Variants in GRIP1 observed in about 807,000 individuals in gnomAD.
GRIP1 encodes the protein glutamate receptor-interacting protein 1.
Under a neutral mutation model 129.9 loss-of-function variants are expected in GRIP1, and 45 were observed. The ratio of observed to expected loss-of-function variants is 0.35; its 90% CI spans 0.27 to 0.44. The LOEUF (loss-of-function observed/expected upper bound fraction) is 0.44. GRIP1 is among the 20% of genes least tolerant of loss of function. The probability of loss-of-function intolerance (pLI) is 1.00; values close to 1 mark genes in which losing one functional copy is unlikely to be tolerated. For missense variants in GRIP1, 1,196 were observed against 1,396.8 expected (o/e 0.86, Z 2.29); for synonymous variants, 530 against 520.8 (o/e 1.02, Z -0.24).
At chr12:66,469,930 T>C (rs181580500) in intron 7 of GRIP1, among the ~76,000 whole-genome samples, 53 of 152,220 alleles carry the variant, frequency 3.5e-4, no homozygotes, top group Admixed American at 3.5e-3. Flanking sequence ...CAGTGATGGG[T>C]TCACGCTGCC....
At chr12:66,977,701 T>C (rs938243090) in intron 1 of GRIP1, among the ~76,000 whole-genome samples, 2 of 152,128 alleles carry the variant, frequency 1.3e-5, no homozygotes, top group Non-Finnish European at 2.9e-5. Flanking sequence ...CTCATTGTTA[T>C]GTTGTTGCAC....
At chr12:66,622,400 G>A (rs777039900) in intron 1 of GRIP1, among the ~76,000 whole-genome samples, 14 of 151,922 alleles carry the variant, frequency 9.2e-5, no homozygotes, top group African/African-American at 3.4e-4. Flanking sequence ...ATAATTTATT[G>A]TGCATTTAAA....
intron 11 of GRIP1, among the ~76,000 whole-genome samples, chr12:66,450,303 C>CAAAAAAAAAAA (rs143013040): frequency 2.2e-4 from 6 of 26,816 alleles, no homozygotes; most frequent in East Asian, 1.4e-3. Context: ...GACTCCATCT[C>CAAAAAAAAAAA]AAAAAAAAAA....
intron 22 of GRIP1, among the ~76,000 whole-genome samples, chr12:66,374,463 C>T (rs1259679763): frequency 2.6e-5 from 4 of 152,336 alleles, no homozygotes; most frequent in East Asian, 1.9e-4. Context: ...GCTGGGATTA[C>T]AGGCCTGAGG....
intron 16 of GRIP1, among the ~76,000 whole-genome samples, chr12:66,395,824 T>C (rs2056765487): frequency 6.6e-6 from 1 of 152,184 alleles, no homozygotes; most frequent in Admixed American, 6.5e-5. Context: ...ACAGCTCTGT[T>C]TGCTGGTTCA....
chr12:66,993,559 G>A (rs532729187), intron 1 of GRIP1, among the ~76,000 whole-genome samples: 174 of 152,082 alleles, frequency 1.1e-3, no homozygotes, highest in Non-Finnish European at 2.1e-3. Flanking sequence ...AGGAGGCCGA[G>A]GTAGGTGGAT....
chr12:66,353,831 G>A (rs1349820557), intron 23 of GRIP1, among the ~76,000 whole-genome samples: 4 of 152,156 alleles, frequency 2.6e-5, no homozygotes, highest in Admixed American at 6.5e-5. Context: ...TCATCAGGGG[G>A]ATATAGGAGA....
intron 7 of GRIP1, among the ~76,000 whole-genome samples, chr12:66,480,494 A>G (rs1317213970): frequency 6.6e-6 from 1 of 152,208 alleles, no homozygotes; most frequent in African/African-American, 2.4e-5. Context: ...ACCTAAAGTT[A>G]TTTATAGGTT....
At chr12:66,846,754 A>G (rs2039824082) in intron 1 of GRIP1, among the ~76,000 whole-genome samples, 1 of 152,130 alleles carries the variant, frequency 6.6e-6, no homozygotes, top group South Asian at 2.1e-4. Flanking sequence ...TTCTACTTAT[A>G]ATTCCCAAGA....
At chr12:66,505,146 T>A (rs1229512023) in intron 7 of GRIP1, among the ~76,000 whole-genome samples, 1 of 152,176 alleles carries the variant, frequency 6.6e-6, no homozygotes, top group Non-Finnish European at 1.5e-5. Context: ...ATTATGTGGG[T>A]GGTCCCAAGG....
chr12:66,994,116 C>A (rs1038011871), intron 1 of GRIP1, among the ~76,000 whole-genome samples: 1 of 151,024 alleles, frequency 6.6e-6, no homozygotes, highest in Admixed American at 6.6e-5. Context: ...CAAACTTTCA[C>A]AAAGAATAGC....
rs1053847291 is a variant in GRIP1 at position 66,444,445 on chromosome 12, C to T, written c.1687+139G>A. The T allele has an allele frequency of 1.7e-4, 119 of 685,282 alleles. 2 individuals carry two copies. The South Asian group carries it at 2.0e-3, about 11-fold the overall frequency. The allele number at this position is 685,282 out of a possible 1,614,324, so 42.5% of individuals were successfully genotyped here. Reference sequence around the variant, plus strand: ...AGCTTGCAGTGAGCCGAGATTGCGCCACTGCAGTCCGCAGTCCAGCCTGGG... The same window carrying T: ...AGCTTGCAGTGAGCCGAGATTGCGCTACTGCAGTCCGCAGTCCAGCCTGGG... On this transcript the variant is annotated intron_variant, in intron 13 of 24. Coordinates refer to ENST00000359742, the MANE Select transcript of GRIP1 (RefSeq NM_001366722.1).
At chr12:66,551,362 G>A (rs967809091) in intron 2 of GRIP1, among the ~76,000 whole-genome samples, 7 of 152,202 alleles carry the variant, frequency 4.6e-5, no homozygotes, top group African/African-American at 1.2e-4. Context: ...GTATGCTGCT[G>A]AGAAAGTCCT....
chr12:66,602,388 G>A (rs5011602), intron 1 of GRIP1, among the ~76,000 whole-genome samples: 85,138 of 151,506 alleles, frequency 0.56, 25,010 homozygotes, highest in African/African-American at 0.7. Flanking sequence ...TACAATCACG[G>A]GGGCCCCGCA....
chr12:66,657,533 G>A (rs1017620981), intron 1 of GRIP1, among the ~76,000 whole-genome samples: 7 of 152,156 alleles, frequency 4.6e-5, no homozygotes, highest in Non-Finnish European at 1.5e-5. Context: ...AGATCTTTCA[G>A]GTCTGTTACA....
At chr12:66,443,985 AAT>A (rs1386957665) in intron 13 of GRIP1, among the ~76,000 whole-genome samples, 1 of 152,164 alleles carries the variant, frequency 6.6e-6, no homozygotes, top group East Asian at 1.9e-4. Context: ...GTGACTGAAG[AAT>A]ATGGTTTCTC....
intron 23 of GRIP1, among the ~76,000 whole-genome samples, chr12:66,354,812 A>G (rs1214355321): frequency 3.3e-5 from 5 of 152,202 alleles, no homozygotes; most frequent in African/African-American, 4.8e-5. Flanking sequence ...TCTGAAGGCA[A>G]TATGAAAGTG....
chr12:66,424,098 T>G (rs2057900768), intron 14 of GRIP1, among the ~76,000 whole-genome samples: 1 of 152,194 alleles, frequency 6.6e-6, no homozygotes, highest in Admixed American at 6.6e-5. Context: ...TTGCATTATT[T>G]GAGTCATTTA....
chr12:66,825,146 A>G (rs2039387281), intron 1 of GRIP1, among the ~76,000 whole-genome samples: 1 of 152,162 alleles, frequency 6.6e-6, no homozygotes, highest in Non-Finnish European at 1.5e-5. Flanking sequence ...AATTTACACT[A>G]TTCTTCATTG....
Sources: gnomAD v4.1 joint callset for allele counts (sites outside exome capture counted in the v4.1 genomes callset) on GRCh38, gnomAD v4.1.1 for gene constraint, MANE v1.5 for transcripts, NCBI Gene and HGNC (gene_info 2026-07-23, HGNC 2026-07-21) for gene names.